The following NID2 variants were observed in gnomAD, a reference collection of about 807,000 sequenced individuals.
The protein encoded by NID2 is nidogen-2.
A neutral mutation model predicts 145.4 loss-of-function variants in NID2; 83 were observed. The observed-to-expected ratio is 0.57, with a 90% CI of 0.48 to 0.69. The LOEUF (loss-of-function observed/expected upper bound fraction) is 0.69, where lower values mean the gene tolerates loss of function less well. Among genes scored for constraint, NID2 ranks in the 30% least tolerant of loss-of-function variants. The probability of loss-of-function intolerance (pLI) is 0.00; values close to 1 mark genes in which losing one functional copy is unlikely to be tolerated. For synonymous variants in NID2, 739 were observed against 701.3 expected (o/e 1.05, Z -0.85); for missense variants, 1,807 against 1,765.7 (o/e 1.02, Z -0.42).
intron 9 of NID2, among the ~76,000 whole-genome samples, chr14:52,033,200 CCTGA>C (rs1320504560): frequency 6.6e-6 from 1 of 152,198 alleles, no homozygotes. Context: ...TCTTAAACTG[CCTGA>C]CTCTCTTAAC....
chr14:52,068,264 T>C, intron 1 of NID2, 101 bp from the exon 2 acceptor site: 2 of 1,194,138 alleles, frequency 1.7e-6, no homozygotes, highest in Non-Finnish European at 2.4e-6. Flanking sequence ...AAAAAGCCTC[T>C]CTCTCCTTCC....
At chr14:52,034,077 T>C (rs572530077) in intron 9 of NID2, among the ~76,000 whole-genome samples, 192 of 152,204 alleles carry the variant, frequency 1.3e-3, no homozygotes, top group African/African-American at 4.4e-3. Flanking sequence ...TCATGTAAGG[T>C]GCTTAGAACA....
At chr14:52,039,926 T>A (rs1356126587) in intron 8 of NID2, among the ~76,000 whole-genome samples, 1 of 152,166 alleles carries the variant, frequency 6.6e-6, no homozygotes. Context: ...TATAATAAAT[T>A]ATAGCATCTC....
At chr14:52,018,276 C>T (rs906874863) in intron 14 of NID2, among the ~76,000 whole-genome samples, 6 of 152,222 alleles carry the variant, frequency 3.9e-5, no homozygotes, top group African/African-American at 1.4e-4. Flanking sequence ...TTGGCTAAAA[C>T]GGTATCAAGC....
chr14:52,045,972 TTTC>T (rs1892476460), intron 5 of NID2, among the ~76,000 whole-genome samples: 1 of 152,178 alleles, frequency 6.6e-6, no homozygotes, highest in Non-Finnish European at 1.5e-5. Context: ...AGAAGTCGCA[TTTC>T]TTCTTAATGT....
intron 5 of NID2, among the ~76,000 whole-genome samples, chr14:52,047,064 G>A (rs553959882): frequency 6.6e-6 from 1 of 152,318 alleles, no homozygotes; most frequent in South Asian, 2.1e-4. Flanking sequence ...AATTCAACAA[G>A]TATTTACTGA....
intron 12 of NID2, among the ~76,000 whole-genome samples, chr14:52,020,986 A>T (rs1891385256): frequency 6.6e-6 from 1 of 152,022 alleles, no homozygotes; most frequent in Non-Finnish European, 1.5e-5. Context: ...GCATATGCCG[A>T]CAATAGCAAG....
At chr14:52,044,669 G>A (rs1203172438) in intron 5 of NID2, among the ~76,000 whole-genome samples, 1 of 152,130 alleles carries the variant, frequency 6.6e-6, no homozygotes, top group Non-Finnish European at 1.5e-5. Context: ...CTGGAGAGCA[G>A]TGGTGCCATC....
At chr14:52,065,195 A>G (rs1893145181) in intron 2 of NID2, among the ~76,000 whole-genome samples, 1 of 152,242 alleles carries the variant, frequency 6.6e-6, no homozygotes, top group Non-Finnish European at 1.5e-5. Context: ...CACCAACTGC[A>G]ATTGTTTTTA....
chr14:52,020,132 G>C lies in NID2; in HGVS notation c.2721C>G (p.Cys907Trp), dbSNP rs8007166. 8 of 1,613,986 alleles carry C rather than the reference G, an allele frequency of 5.0e-6. No individual in the cohort carries two copies. The African/African-American group carries it at 8.0e-5, about 16-fold the overall frequency. ...SENRCHPAATCYNTPGSFSCR... is the reference protein window; with the variant it reads ...SENRCHPAATWYNTPGSFSCR... Reference sequence around the variant, plus strand: ...AGGAGAAGGAACCAGGAGTATTGTAGCAGGTAGCTGCAGGGTGACATCTGT... The same window carrying C: ...AGGAGAAGGAACCAGGAGTATTGTACCAGGTAGCTGCAGGGTGACATCTGT... Residue 907 changes from cysteine (C) to tryptophan (W), a missense_variant, in exon 13 of 22, where the codon TGC becomes TGG. Transcript: ENST00000216286.
At chr14:52,042,622 C>T (rs1234680408) in intron 6 of NID2, among the ~76,000 whole-genome samples, 160 bp downstream of exon 6, 2 of 152,192 alleles carry the variant, frequency 1.3e-5, no homozygotes, top group Admixed American at 6.5e-5. Flanking sequence ...CAGCCCAAAC[C>T]AGTTCATTCC....
chr14:52,022,225 C>G (rs1389100344), intron 12 of NID2, among the ~76,000 whole-genome samples: 1 of 152,188 alleles, frequency 6.6e-6, no homozygotes, highest in Non-Finnish European at 1.5e-5. Flanking sequence ...CAGCCTTCCT[C>G]CCCACAGATA....
chr14:52,055,019 T>G (rs1167331173), intron 3 of NID2, among the ~76,000 whole-genome samples: 1 of 152,218 alleles, frequency 6.6e-6, no homozygotes, highest in Non-Finnish European at 1.5e-5. Context: ...AATGTATGCT[T>G]AAAACTCTAC....
At chr14:52,023,007 G>C (rs564356199) in intron 12 of NID2, among the ~76,000 whole-genome samples, 84 of 152,330 alleles carry the variant, frequency 5.5e-4, no homozygotes, top group African/African-American at 2.0e-3. Context: ...TGTATGGCAT[G>C]TGGTGAACCC....
chr14:52,048,895 G>C (rs966224145), intron 5 of NID2, among the ~76,000 whole-genome samples: 5 of 152,196 alleles, frequency 3.3e-5, no homozygotes, highest in Non-Finnish European at 7.3e-5. Flanking sequence ...TTGGAAATCA[G>C]TGTTTTTAAC....
intron 3 of NID2, among the ~76,000 whole-genome samples, chr14:52,057,129 C>T (rs1285480880): frequency 6.6e-6 from 1 of 152,106 alleles, no homozygotes; most frequent in Non-Finnish European, 1.5e-5. Context: ...GTAGCCTCAA[C>T]CCCCTGGGCT....
chr14:52,020,911 A>T (rs2140363036), intron 12 of NID2, among the ~76,000 whole-genome samples: 1 of 152,222 alleles, frequency 6.6e-6, no homozygotes, highest in East Asian at 1.9e-4. Flanking sequence ...CATATTTCTC[A>T]AAACAACAAA....
chr14:52,032,813 A>AAAAAAAG (rs1446897653), intron 9 of NID2, among the ~76,000 whole-genome samples: 3 of 128,402 alleles, frequency 2.3e-5, no homozygotes, highest in Admixed American at 2.3e-4. Flanking sequence ...AGAAAAAAAA[A>AAAAAAAG]AAATCTCAGC....
intron 2 of NID2, among the ~76,000 whole-genome samples, chr14:52,061,123 C>T (rs1893010022): frequency 6.6e-6 from 1 of 152,164 alleles, no homozygotes; most frequent in African/African-American, 2.4e-5. Flanking sequence ...TCCACTGCAT[C>T]TTTGTCAGAC....
Sources: gnomAD v4.1 joint callset for allele counts (sites outside exome capture counted in the v4.1 genomes callset) on GRCh38, gnomAD v4.1.1 for gene constraint, MANE v1.5 for transcripts, NCBI Gene and HGNC (gene_info 2026-07-23, HGNC 2026-07-21) for gene names.